The following RPN1 variants were observed in gnomAD, a reference collection of about 807,000 sequenced individuals.
The protein encoded by RPN1 is dolichyl-diphosphooligosaccharide--protein glycosyltransferase subunit 1.
In RPN1, 12 loss-of-function variants were observed where a neutral mutation model predicts 55.5. The ratio of observed to expected loss-of-function variants is 0.22; its 90% CI spans 0.14 to 0.35. The LOEUF is 0.35. Ranked by LOEUF, RPN1 falls within the 10% of genes least tolerant of loss-of-function variation. The pLI, the probability that RPN1 is intolerant of heterozygous loss-of-function variation, is 1.00. For synonymous variants in RPN1, 317 were observed against 305.9 expected (o/e 1.04, Z -0.38); for missense variants, 679 against 761.3 (o/e 0.89, Z 1.27).
rs759839754 is a variant in RPN1, at chr3:128,650,527, C to T, written c.261+13G>A. The T allele has an allele frequency of 7.3e-5, 111 of 1,526,568 alleles. No homozygotes were observed. Among genetic ancestry groups the T allele is most frequent in the Non-Finnish European group, 9.7e-5 (110 of 1,137,282 alleles). 94.6% of individuals were successfully genotyped at this position (1,526,568 alleles called of 1,614,324 possible). A position where few individuals can be genotyped will look rare whatever the true frequency, so the allele number is the denominator to read the frequency against. ...GGTCCCGGGAGCGGCGGCGAGGGGT[C>T]GCCCACACTCACCTGCACGCCCAGG... is the stretch of plus-strand genomic sequence containing the variant. On this transcript the variant is annotated intron_variant, in intron 1 of 9. Coordinates refer to ENST00000296255, the MANE Select transcript of RPN1 (RefSeq NM_002950.4).
intron 3 of RPN1, 43 bp from the exon 4 acceptor site, chr3:128,632,200 G>T: frequency 6.3e-7 from 1 of 1,578,584 alleles, no homozygotes; most frequent in South Asian, 1.1e-5. Context: ...TGGCAACAGA[G>T]AATGCACCAT....
chr3:128,639,448 G>A (rs535244979), intron 2 of RPN1, among the ~76,000 whole-genome samples: 18 of 124,552 alleles, frequency 1.4e-4, no homozygotes, highest in African/African-American at 5.1e-4. Context: ...GCGAGATACC[G>A]TCTCAAGAAA....
At chr3:128,625,083 C>G (rs2069589042) in intron 8 of RPN1, among the ~76,000 whole-genome samples, 1 of 152,018 alleles carries the variant, frequency 6.6e-6, no homozygotes, top group Non-Finnish European at 1.5e-5. Flanking sequence ...GACCAAGGAG[C>G]CACGGAGCCT....
Position 128,620,213 on chromosome 3 carries a change from T to TAAAA in RPN1, c.*194_*197dup. ...GAGTTTTTTTAAAGTTTTCTTTTTT[T>TAAAA]AAAAAAAAAAAAAAAGAAAGTTAAG... On this transcript the variant is annotated 3_prime_UTR_variant, in exon 10 of 10. Transcript: ENST00000296255. The TAAAA allele has an allele frequency of 3.0e-6, 1 of 332,186 alleles. No individual in the cohort carries two copies. 20.6% of individuals were successfully genotyped at this position (332,186 alleles called of 1,614,324 possible). A position where few individuals can be genotyped will look rare whatever the true frequency, so the allele number is the denominator to read the frequency against.
chr3:128,640,168 T>C (rs2069714643), intron 2 of RPN1, among the ~76,000 whole-genome samples: 1 of 151,598 alleles, frequency 6.6e-6, no homozygotes, highest in African/African-American at 2.4e-5. Flanking sequence ...CGAGAATCCA[T>C]CTCAAAAAAG....
intron 5 of RPN1, chr3:128,627,279 A>C (rs2107714329): frequency 5.5e-6 from 1 of 181,316 alleles, no homozygotes; most frequent in Non-Finnish European, 1.2e-5. Flanking sequence ...CTGAGAGCAG[A>C]ACTCCCCTTC....
At chr3:128,635,690 T>TATAC (rs376139334) in intron 3 of RPN1, among the ~76,000 whole-genome samples, 14 of 138,272 alleles carry the variant, frequency 1.0e-4, no homozygotes, top group African/African-American at 1.6e-4. Context: ...TCTATAGATA[T>TATAC]ACACACACAC....
intron 3 of RPN1, among the ~76,000 whole-genome samples, chr3:128,634,563 C>CTT (rs374113354): frequency 0.014 from 1,851 of 135,620 alleles, 41 homozygotes; most frequent in African/African-American, 0.042. Flanking sequence ...CTCCATAAAC[C>CTT]TTTTTTTTTT....
intron 8 of RPN1, among the ~76,000 whole-genome samples, chr3:128,624,524 A>G (rs2069584977): frequency 6.6e-6 from 1 of 151,470 alleles, no homozygotes; most frequent in South Asian, 2.1e-4. Flanking sequence ...TCTGCATATA[A>G]GTGGACCCAC....
chr3:128,635,459 C>T (rs2069669981), intron 3 of RPN1, among the ~76,000 whole-genome samples: 1 of 151,640 alleles, frequency 6.6e-6, no homozygotes, highest in African/African-American at 2.4e-5. Context: ...TGCAACTACA[C>T]CCAGCTAATT....
At chr3:128,650,450 C>T in intron 1 of RPN1, 90 bp downstream of exon 1, 1 of 1,328,694 alleles carries the variant, frequency 7.5e-7, no homozygotes, top group Non-Finnish European at 1.0e-6. Flanking sequence ...TTTCCTGAGG[C>T]CTAGAGGGGC....
At chr3:128,621,944 C>T (rs144352630) in intron 9 of RPN1, among the ~76,000 whole-genome samples, 102 of 152,328 alleles carry the variant, frequency 6.7e-4, no homozygotes, top group African/African-American at 2.3e-3. Context: ...GCAGTGCTGA[C>T]GAGGCTAGCA....
chr3:128,644,504 A>G (rs1017186956), intron 2 of RPN1: 6 of 375,220 alleles, frequency 1.6e-5, no homozygotes, highest in Non-Finnish European at 3.1e-5. Context: ...ATATACACAC[A>G]CACATATTAG....
In RPN1 at chr3:128,620,233, G is replaced by T; in HGVS notation, c.*178C>A. 7.5e-6 allele frequency: 3 copies of T among 397,950 alleles called. No individual in the cohort carries two copies. Among genetic ancestry groups the T allele is most frequent in the Non-Finnish European group, 8.7e-6 (2 of 229,148 alleles). The allele number at this position is 397,950 out of a possible 1,614,324, so 24.7% of individuals were successfully genotyped here. ...TTTTTTAAAAAAAAAAAAAAAGAAA[G>T]TTAAGGACAAACGGCAAACTCACAC... On this transcript the variant is annotated 3_prime_UTR_variant, in exon 10 of 10. Coordinates refer to ENST00000296255, the MANE Select transcript of RPN1 (RefSeq NM_002950.4).
rs528052292 is a variant in RPN1 at position 128,640,777 on chromosome 3, C to T, written c.327-2672G>A. ...CTCTCAGACCCATCCCTTCCTTTGC[C>T]TCCTCCTCCATTCAAACCAATACCA... On this transcript the variant is annotated intron_variant, in intron 2 of 9. Transcript: ENST00000296255. Among the ~76,000 whole-genome samples the T allele has an allele frequency of 2.0e-5, 3 of 152,250 alleles. No individual in the cohort carries two copies. The South Asian group carries it at 6.2e-4, about 32-fold the overall frequency.
Position 128,650,660 on chromosome 3 carries a change from A to G in RPN1, c.141T>C (p.Ala47=), listed in dbSNP as rs771419600. The G allele has an allele frequency of 8.7e-5, 137 of 1,566,270 alleles. No homozygotes were observed. Among genetic ancestry groups the G allele is most frequent in the Non-Finnish European group, 3.2e-5 (37 of 1,155,494 alleles). Residue 47 remains alanine (A), a synonymous_variant, in exon 1 of 10, where the codon GCT becomes GCC. Coordinates refer to ENST00000296255, the MANE Select transcript of RPN1 (RefSeq NM_002950.4). The stretch of plus-strand genomic sequence containing the variant: ...CCAGGACCACCTCGGCCGTCACCTT[A>G]GCCAGGTGGCTGCTTAGGTCCACTG... ...KRTVDLSSHL[A]KVTAEVVLAH...
rs1266749393 is a variant in RPN1 at position 128,650,458 on chromosome 3, G to A, written c.261+82C>T. 20 of 1,380,152 alleles carry A rather than the reference G, an allele frequency of 1.4e-5. No homozygotes were observed. The East Asian group carries it at 2.0e-4, about 14-fold the overall frequency. 85.5% of individuals were successfully genotyped at this position (1,380,152 alleles called of 1,614,324 possible). ...CTCCGCATTTCCTGAGGCCTAGAGG[G>A]GCGCGGGCGGAGTCGGGGGACCGCC... On this transcript the variant is annotated intron_variant, in intron 1 of 9. Coordinates refer to ENST00000296255, the MANE Select transcript of RPN1 (RefSeq NM_002950.4).
intron 2 of RPN1, among the ~76,000 whole-genome samples, chr3:128,641,399 C>T (rs1576798426): frequency 6.6e-6 from 1 of 152,148 alleles, no homozygotes; most frequent in Middle Eastern, 3.4e-3. Flanking sequence ...CTCAACCCAC[C>T]CTACACAGCT....
At chr3:128,629,033 G>T (rs2712383) in intron 5 of RPN1, among the ~76,000 whole-genome samples, 31,014 of 152,026 alleles carry the variant, frequency 0.2, 3,435 homozygotes, top group East Asian at 0.41. Context: ...AGTATGTAGA[G>T]ATATACACTT....
Sources: allele counts gnomAD v4.1 joint callset (sites outside exome capture counted in the v4.1 genomes callset), GRCh38; gene constraint gnomAD v4.1.1; transcripts MANE v1.5; gene names NCBI Gene and HGNC (gene_info 2026-07-23, HGNC 2026-07-21).